The following ADGRL3 variants were observed in gnomAD, a reference collection of about 807,000 sequenced individuals.
ADGRL3 encodes the protein calcium-independent alpha-latrotoxin receptor 3.
In ADGRL3, 62 loss-of-function variants were observed where a neutral mutation model predicts 153.5. The ratio of observed to expected loss-of-function variants is 0.40; its 90% CI spans 0.33 to 0.50. The LOEUF (loss-of-function observed/expected upper bound fraction) is 0.50, where lower values mean the gene tolerates loss of function less well. Among genes scored for constraint, ADGRL3 ranks in the 20% least tolerant of loss-of-function variants. The pLI is 0.47. For synonymous variants in ADGRL3, 710 were observed against 672.5 expected, an observed-to-expected ratio of 1.06 and a Z score of -0.86; for missense variants, 1,641 against 1,859.4, an observed-to-expected ratio of 0.88 and a Z score of 2.16.
At chr4:61,471,109 ATTC>A (rs1486910293) in intron 2 of ADGRL3, among the ~76,000 whole-genome samples, 2 of 151,750 alleles carry the variant, frequency 1.3e-5, no homozygotes, top group African/African-American at 4.8e-5. Flanking sequence ...TGAATTCATT[ATTC>A]CTTTGGAATT....
At chr4:61,557,632 TC>T (rs1293708969) in intron 4 of ADGRL3, among the ~76,000 whole-genome samples, 1 of 152,194 alleles carries the variant, frequency 6.6e-6, no homozygotes, top group Non-Finnish European at 1.5e-5. Context: ...TGACTGCCTT[TC>T]ACTCTTTAAT....
intron 2 of ADGRL3, among the ~76,000 whole-genome samples, chr4:61,432,843 G>T (rs932408552): frequency 4.6e-5 from 7 of 150,698 alleles, no homozygotes; most frequent in Admixed American, 4.6e-4. Flanking sequence ...AGTACAGATG[G>T]GGTTTCTCCA....
intron 1 of ADGRL3, among the ~76,000 whole-genome samples, chr4:61,351,388 C>T (rs1195533877): frequency 6.6e-6 from 1 of 152,162 alleles, no homozygotes; most frequent in Non-Finnish European, 1.5e-5. Flanking sequence ...GCAAGTTATC[C>T]AGGAGATCTA....
chr4:61,758,841 T>C (rs1561197510), intron 8 of ADGRL3, among the ~76,000 whole-genome samples: 1 of 152,238 alleles, frequency 6.6e-6, no homozygotes, highest in Non-Finnish European at 1.5e-5. Context: ...CCATGTTTAG[T>C]GCTTCCTTCA....
intron 8 of ADGRL3, among the ~76,000 whole-genome samples, chr4:61,774,078 C>G (rs1208003088): frequency 2.0e-5 from 3 of 151,914 alleles, no homozygotes; most frequent in Non-Finnish European, 4.4e-5. Context: ...GGAAACAGGC[C>G]GGGCATGGTG....
chr4:61,302,206 T>G (rs1403923025), intron 1 of ADGRL3, among the ~76,000 whole-genome samples: 1 of 152,078 alleles, frequency 6.6e-6, no homozygotes, highest in Non-Finnish European at 1.5e-5. Context: ...GGCCTTTGAT[T>G]TTATTGAAAG....
rs527931238 is a variant in ADGRL3 at position 61,695,265 on chromosome 4, T to C, written c.583+18330T>C. ...GCTTTACAAAAATGTATTTTTTAAA[T>C]AGTAAGACTTAAACATTGAAATTAC... On this transcript the variant is annotated intron_variant, in intron 6 of 26. Coordinates refer to ENST00000683033, the MANE Select transcript of ADGRL3 (RefSeq NM_001387552.1). Among the ~76,000 whole-genome samples, 190 of 152,326 alleles carry C rather than the reference T, an allele frequency of 1.2e-3. 1 individual carries two copies. Among genetic ancestry groups the C allele is most frequent in the Admixed American group, 2.1e-3 (32 of 15,290 alleles).
rs972815952 is a variant in ADGRL3 at position 62,071,899 on chromosome 4, A to G, written c.*991A>G. The G allele has an allele frequency of 1.6e-5, 5 of 314,592 alleles. No homozygotes were observed. The highest frequency in any genetic ancestry group is 9.1e-5 in the Admixed American group (2 of 22,004). The allele number at this position is 314,592 out of a possible 1,614,324, so 19.5% of individuals were successfully genotyped here. On this transcript the variant is annotated 3_prime_UTR_variant, in exon 27 of 27. Coordinates refer to ENST00000683033, the MANE Select transcript of ADGRL3 (RefSeq NM_001387552.1). ...AAATTAGACTTCCTTCCCTCACTATATATCTTTATGCAGTCAGAATATTTC... is the reference window on the plus strand; with the variant it reads ...AAATTAGACTTCCTTCCCTCACTATGTATCTTTATGCAGTCAGAATATTTC...
At chr4:61,909,830 A>G (rs1394029739) in intron 12 of ADGRL3, 85 bp downstream of exon 12, 16 of 1,043,902 alleles carry the variant, frequency 1.5e-5, no homozygotes, top group East Asian at 2.8e-5. Context: ...AATCAGAAAG[A>G]CTTCACTGCT....
At position 61,958,937 on chromosome 4, in the gene ADGRL3, A is replaced by G. The variant is rs534860854; in HGVS notation, c.2805+10661A>G. 3.3e-5 allele frequency among the ~76,000 whole-genome samples: 5 copies of G among 152,306 alleles called. No homozygotes were observed. In the South Asian group the frequency reaches 1.0e-3, roughly 32 times the overall value. On this transcript the variant is annotated intron_variant, in intron 17 of 26. Transcript: ENST00000683033. ...CCCAAGGTGGCAACACAGCTGGTTA[A>G]CTACTGAATTCCCCCTGCTTCTACT...
chr4:61,675,139 C>A (rs2036199), intron 5 of ADGRL3, among the ~76,000 whole-genome samples: 58,434 of 151,574 alleles, frequency 0.39, 12,131 homozygotes, highest in East Asian at 0.57. Context: ...CCTTATTAAG[C>A]CTGACAAATG....
Position 61,345,944 on chromosome 4 carries a change from G to T in ADGRL3, c.-239-37180G>T, listed in dbSNP as rs183047315. 7.1e-4 allele frequency among the ~76,000 whole-genome samples: 108 copies of T among 152,246 alleles called. No individual in the cohort carries two copies. In the Middle Eastern group the frequency reaches 0.014, roughly 19 times the overall value. On this transcript the variant is annotated intron_variant, in intron 1 of 26. Coordinates refer to ENST00000683033, the MANE Select transcript of ADGRL3 (RefSeq NM_001387552.1). ...AAAATACCATGTTGGGGTGACGTGG[G>T]TTAGGACCAGCTCATGTTGATAAGA...
intron 1 of ADGRL3, among the ~76,000 whole-genome samples, chr4:61,248,086 C>T (rs202107953): frequency 1.3e-5 from 2 of 152,020 alleles, no homozygotes; most frequent in Non-Finnish European, 2.9e-5. Flanking sequence ...TTTAGAGGGG[C>T]GAACTGCTCT....
intron 1 of ADGRL3, among the ~76,000 whole-genome samples, chr4:61,299,735 C>A (rs1407698092): frequency 6.6e-6 from 1 of 152,124 alleles, no homozygotes; most frequent in Non-Finnish European, 1.5e-5. Context: ...TGGTAAGTAT[C>A]TGAATGTAAC....
At chr4:61,560,391 A>G (rs2098789907) in intron 4 of ADGRL3, among the ~76,000 whole-genome samples, 1 of 152,144 alleles carries the variant, frequency 6.6e-6, no homozygotes, top group Non-Finnish European at 1.5e-5. Context: ...GAAATTGTAA[A>G]AAAGAATGGT....
Position 62,045,222 on chromosome 4 carries a change from T to C in ADGRL3, c.3814+673T>C, listed in dbSNP as rs1263098706. 7.2e-5 allele frequency among the ~76,000 whole-genome samples: 11 copies of C among 151,934 alleles called. No homozygotes were observed. The Admixed American group carries it at 7.2e-4, about 10-fold the overall frequency. ...CATTCTCTCTCTCTCCCTTTCTCTGTCTCTCTTTCTCTTTCTCTCTCAACC... is the reference window on the plus strand; with the variant it reads ...CATTCTCTCTCTCTCCCTTTCTCTGCCTCTCTTTCTCTTTCTCTCTCAACC... On this transcript the variant is annotated intron_variant, in intron 25 of 26. Transcript: ENST00000683033.
intron 1 of ADGRL3, among the ~76,000 whole-genome samples, chr4:61,318,210 A>AAAAAAAAAAAAAAAC (rs1560467266): frequency 7.3e-6 from 1 of 136,502 alleles, no homozygotes; most frequent in African/African-American, 2.7e-5. Flanking sequence ...AAAAAAAAAA[A>AAAAAAAAAAAAAAAC]AAAACACAAA....
At chr4:61,335,513 A>G (rs1462009860) in intron 1 of ADGRL3, among the ~76,000 whole-genome samples, 1 of 152,162 alleles carries the variant, frequency 6.6e-6, no homozygotes, top group Non-Finnish European at 1.5e-5. Context: ...TATACAGTTT[A>G]TCCATCTATT....
chr4:61,432,568 CTCTTCCTTTCTTTCTTTCTTTCTT>C (rs1482004969), intron 2 of ADGRL3, among the ~76,000 whole-genome samples: 904 of 38,360 alleles, frequency 0.024, 207 homozygotes, highest in African/African-American at 0.044. Flanking sequence ...TCTTTTCTTT[CTCTTCCTTTCTTTCTTTCTTTCTT>C]TCTTTCTTTC....
Sources: gnomAD v4.1 joint callset for allele counts (sites outside exome capture counted in the v4.1 genomes callset) on GRCh38, gnomAD v4.1.1 for gene constraint, MANE v1.5 for transcripts, NCBI Gene and HGNC (gene_info 2026-07-23, HGNC 2026-07-21) for gene names.